The following DAB1 variants were observed in gnomAD, a reference collection of about 807,000 sequenced individuals.
DAB1 encodes disabled homolog 1.
DAB1 carries 15 observed loss-of-function variants against 64.6 expected under a neutral mutation model. The observed-to-expected ratio is 0.23, with a 90% CI of 0.16 to 0.36. The LOEUF is 0.36. Among genes scored for constraint, DAB1 ranks in the 10% least tolerant of loss-of-function variants. DAB1 has a pLI of 1.00. For synonymous variants in DAB1, 235 were observed against 251.9 expected (o/e 0.93, Z 0.64); for missense variants, 596 against 706.7 (o/e 0.84, Z 1.78).
chr1:57,721,589 T>C (rs1250824514), intron 6 of DAB1, among the ~76,000 whole-genome samples: 4 of 152,202 alleles, frequency 2.6e-5, no homozygotes, highest in Non-Finnish European at 5.9e-5. Context: ...CAGTAGTAAG[T>C]AACAGAGGAA....
intron 1 of DAB1, among the ~76,000 whole-genome samples, chr1:57,347,577 C>T (rs1475728062): frequency 1.3e-5 from 2 of 152,154 alleles, no homozygotes; most frequent in Non-Finnish European, 2.9e-5. Context: ...TCAAAGCACT[C>T]TTCAGCCTCA....
At chr1:57,806,858 C>T (rs1465012377) in intron 6 of DAB1, among the ~76,000 whole-genome samples, 2 of 152,140 alleles carry the variant, frequency 1.3e-5, no homozygotes, top group African/African-American at 2.4e-5. Flanking sequence ...TTCTTTAAAA[C>T]ATGTTTTATA....
At chr1:57,419,429 AT>A (rs1230219370) in intron 1 of DAB1, among the ~76,000 whole-genome samples, 2 of 152,072 alleles carry the variant, frequency 1.3e-5, no homozygotes, top group East Asian at 3.9e-4. Context: ...AAATTTTAAC[AT>A]GATGTGTACT....
chr1:57,177,023 C>A (rs112794020), intron 2 of DAB1, among the ~76,000 whole-genome samples: 1 of 144,864 alleles, frequency 6.9e-6, no homozygotes, highest in Non-Finnish European at 1.5e-5. Flanking sequence ...TGCCTAAAAG[C>A]GGGACATAAA....
chr1:58,372,824 C>T lies in DAB1; in HGVS notation n.258-29421G>A, dbSNP rs983954683. On this transcript the variant is annotated intron_variant and non_coding_transcript_variant, in intron 3 of 20. Transcript: ENST00000485760. ...CTTGTCTGCCACCATGTAAGACATG[C>T]CTTGCTTTCCATTCACCTTCCATCA... Among the ~76,000 whole-genome samples, 6 of 152,206 alleles carry T rather than the reference C, an allele frequency of 3.9e-5. No homozygotes were observed. In the East Asian group the frequency reaches 9.7e-4, roughly 24 times the overall value.
chr1:58,476,394 G>A (rs961670025), intron 3 of DAB1, among the ~76,000 whole-genome samples: 8 of 152,084 alleles, frequency 5.3e-5, no homozygotes, highest in African/African-American at 1.9e-4. Flanking sequence ...AGTGTGGTGA[G>A]AACACCTGGG....
At position 56,995,121 on chromosome 1, in the gene DAB1, T is replaced by C. The variant is rs1230039019; in HGVS notation, c.*3023A>G. Reference sequence around the variant, plus strand: ...GAGACACTGGGATGAGTACGAGCTATCAAAAAAGTCTTGCGGCATGTAAAG... The same window carrying C: ...GAGACACTGGGATGAGTACGAGCTACCAAAAAAGTCTTGCGGCATGTAAAG... On this transcript the variant is annotated 3_prime_UTR_variant, in exon 15 of 15. Transcript: ENST00000371236. 6.6e-6 allele frequency: 1 copy of C among 152,146 alleles called. No individual in the cohort carries two copies. Among genetic ancestry groups the C allele is most frequent in the Admixed American group, 6.5e-5 (1 of 15,268 alleles). 9.4% of individuals were successfully genotyped at this position (152,146 alleles called of 1,614,324 possible).
chr1:57,110,082 A>G (rs1655517445), intron 4 of DAB1, among the ~76,000 whole-genome samples: 1 of 152,182 alleles, frequency 6.6e-6, no homozygotes. Context: ...ACTTTATGTT[A>G]ATGGGCTATA....
At chr1:57,983,232 G>C (rs1474176827) in intron 5 of DAB1, among the ~76,000 whole-genome samples, 1 of 152,114 alleles carries the variant, frequency 6.6e-6, no homozygotes, top group Non-Finnish European at 1.5e-5. Flanking sequence ...AAGCAGCCTT[G>C]GCCTTCAACA....
chr1:57,075,011 A>T (rs1290897773), intron 4 of DAB1, among the ~76,000 whole-genome samples: 4 of 152,234 alleles, frequency 2.6e-5, no homozygotes, highest in Non-Finnish European at 5.9e-5. Flanking sequence ...AATGGTAGGC[A>T]GCAGGGAAAA....
chr1:58,495,929 T>C (rs1307856679), intron 3 of DAB1, among the ~76,000 whole-genome samples: 2 of 152,164 alleles, frequency 1.3e-5, no homozygotes, highest in Non-Finnish European at 2.9e-5. Flanking sequence ...AGCCTGTCTT[T>C]GCAATGAAGA....
chr1:58,183,260 C>A (rs774885490), intron 4 of DAB1, among the ~76,000 whole-genome samples: 1 of 152,004 alleles, frequency 6.6e-6, no homozygotes, highest in Non-Finnish European at 1.5e-5. Context: ...AAATCTGATA[C>A]AGTTTACTTT....
At chr1:57,189,768 A>T (rs1416049058) in intron 2 of DAB1, among the ~76,000 whole-genome samples, 4 of 151,704 alleles carry the variant, frequency 2.6e-5, no homozygotes, top group African/African-American at 9.7e-5. Flanking sequence ...AAAGACAGGC[A>T]GGCTTGCCCC....
chr1:57,243,346 G>C (rs1324232797), intron 2 of DAB1, among the ~76,000 whole-genome samples: 1 of 152,146 alleles, frequency 6.6e-6, no homozygotes. Context: ...GTGGTTAATG[G>C]TGCATCTCTC....
intron 1 of DAB1, chr1:57,864,653 A>AATTT (rs761788076): frequency 9.8e-4 from 96 of 97,956 alleles, no homozygotes; most frequent in Admixed American, 4.6e-3. Flanking sequence ...TTTTTAAAAA[A>AATTT]ATTTATTTAT....
At chr1:58,075,969 ACAATACTCGGCTTCATTTC>A (rs1649615824) in intron 5 of DAB1, among the ~76,000 whole-genome samples, 1 of 152,116 alleles carries the variant, frequency 6.6e-6, no homozygotes, top group Admixed American at 6.6e-5. Context: ...ACACACAAAC[ACAATACTCGGCTTCATTTC>A]CAAATTTCTA....
intron 2 of DAB1, among the ~76,000 whole-genome samples, chr1:58,513,559 GA>G (rs1256142475): frequency 1.3e-5 from 2 of 152,150 alleles, no homozygotes; most frequent in African/African-American, 4.8e-5. Flanking sequence ...GCTGGCCAGA[GA>G]AACATAAGAA....
At chr1:58,088,188 C>T (rs1411372405) in intron 5 of DAB1, among the ~76,000 whole-genome samples, 4 of 152,172 alleles carry the variant, frequency 2.6e-5, no homozygotes, top group East Asian at 3.8e-4. Context: ...CAGTTTCTCC[C>T]CAAGTGGGGG....
chr1:57,267,157 C>T (rs971410307), intron 2 of DAB1, among the ~76,000 whole-genome samples: 1 of 151,944 alleles, frequency 6.6e-6, no homozygotes, highest in Admixed American at 6.6e-5. Context: ...TCATAAGAGA[C>T]ACATAGAGAA....
Sources: allele counts gnomAD v4.1 joint callset (sites outside exome capture counted in the v4.1 genomes callset), GRCh38; gene constraint gnomAD v4.1.1; transcripts MANE v1.5; gene names NCBI Gene and HGNC (gene_info 2026-07-23, HGNC 2026-07-21).